MOB3C: variants seen among roughly 807,000 people sequenced by gnomAD.
MOB3C encodes the protein MOB kinase activator 3C.
In MOB3C, 17 loss-of-function variants were observed where a neutral mutation model predicts 19.8. That is an observed-to-expected ratio of 0.86 (90% confidence interval 0.59 to 1.29). The LOEUF (loss-of-function observed/expected upper bound fraction) is 1.29. MOB3C is among the 50% of genes most tolerant of loss of function. The pLI is 0.00. For synonymous variants in MOB3C, 101 were observed against 119.2 expected (o/e 0.85, Z 0.99); for missense variants, 291 against 301.9 (o/e 0.96, Z 0.27).
At position 46,608,703 on chromosome 1, in the gene MOB3C, G is replaced by C. The variant is rs1008486630; in HGVS notation, c.*952C>G. 1.3e-5 allele frequency: 2 copies of C among 152,658 alleles called. No homozygotes were observed. The highest frequency in any genetic ancestry group is 2.9e-5 in the Non-Finnish European group (2 of 68,048). 9.5% of individuals were successfully genotyped at this position (152,658 alleles called of 1,614,324 possible). On this transcript the variant is annotated 3_prime_UTR_variant, in exon 4 of 4. Coordinates refer to ENST00000319928, the MANE Select transcript of MOB3C (RefSeq NM_201403.3). The surrounding 1 kb of genome is among the most constrained non-coding windows in gnomAD (Gnocchi z 4.5). ...TTATTTTGTGCTGGGCTTCAGATCC[G>C]AGGAGCCAGGTCTGTAGATTCTGGG...
intron 1 of MOB3C, chr1:46,614,983 T>A (rs1675536054): frequency 1.2e-6 from 2 of 1,607,502 alleles, no homozygotes; most frequent in Non-Finnish European, 1.7e-6. Context: ...ATGTGAAAGG[T>A]CATCTCATCC....
At chr1:46,612,570 A>G (rs759381117) in intron 2 of MOB3C, among the ~76,000 whole-genome samples, 4 of 151,068 alleles carry the variant, frequency 2.6e-5, no homozygotes, top group Non-Finnish European at 5.9e-5. Context: ...AGGCTGAGGC[A>G]GGAGAATCGC....
chr1:46,608,545 C>T lies in MOB3C; in HGVS notation c.*1110G>A, dbSNP rs1675406648. 6.5e-6 allele frequency: 1 copy of T among 152,692 alleles called. No individual in the cohort carries two copies. Among genetic ancestry groups the T allele is most frequent in the African/African-American group, 2.4e-5 (1 of 41,432 alleles). The allele number at this position is 152,692 out of a possible 1,614,324, so 9.5% of individuals were successfully genotyped here. A position where few individuals can be genotyped will look rare whatever the true frequency, so the allele number is the denominator to read the frequency against. On this transcript the variant is annotated 3_prime_UTR_variant, in exon 4 of 4. Coordinates refer to ENST00000319928, the MANE Select transcript of MOB3C (RefSeq NM_201403.3). The surrounding 1 kb of genome is among the most constrained non-coding windows in gnomAD (Gnocchi z 4.5). ...GTGTCAGGGATGGCTGGGAAGGAGG[C>T]AGGTACTTTTAGGATGGAGGATCTC...
At chr1:46,615,222 T>C in intron 1 of MOB3C, 1 of 627,780 alleles carries the variant, frequency 1.6e-6, no homozygotes, top group Non-Finnish European at 2.8e-6. Context: ...ATTCAGCACC[T>C]TGTCCTACCT....
Position 46,609,695 on chromosome 1 carries a change from A to C in MOB3C, c.622-11T>G, listed in dbSNP as rs748979378. 6.2e-7 allele frequency: 1 copy of C among 1,614,144 alleles called. No homozygotes were observed. Among genetic ancestry groups the C allele is most frequent in the Admixed American group, 1.7e-5 (1 of 60,022 alleles). ...CTCTGTCATCTCCCTCTGTAGAGAC[A>C]CAAGGTAGGGAGGGGTCAATTAGAG... On this transcript the variant is annotated splice_polypyrimidine_tract_variant and intron_variant, in intron 3 of 3. Coordinates refer to ENST00000319928, the MANE Select transcript of MOB3C (RefSeq NM_201403.3).
At position 46,609,417 on chromosome 1, in the gene MOB3C, G is replaced by T; in HGVS notation, c.*238C>A. 2 of 601,328 alleles carry T rather than the reference G, an allele frequency of 3.3e-6. No individual in the cohort carries two copies. The highest frequency in any genetic ancestry group is 3.9e-5 in the South Asian group (2 of 51,610). 37.2% of individuals were successfully genotyped at this position (601,328 alleles called of 1,614,324 possible). On this transcript the variant is annotated 3_prime_UTR_variant, in exon 4 of 4. Transcript: ENST00000319928. ...AGCCTACCCTACTCCCAGACTTCAT[G>T]CCAGAGGTTTAACTCCACTTCCCTT...
At position 46,609,649 on chromosome 1, in the gene MOB3C, C is replaced by G. The variant is rs759806384; in HGVS notation, c.*6G>C. The G allele has an allele frequency of 5.6e-6, 9 of 1,614,020 alleles. No homozygotes were observed. The South Asian group carries it at 9.9e-5, about 18-fold the overall frequency. ...ATCTGATGGCCAAAAAAGTCCAGAC[C>G]TGGGCTCAGTGGCAGATCCGCTCTG... On this transcript the variant is annotated 3_prime_UTR_variant, in exon 4 of 4. Transcript: ENST00000319928.
intron 1 of MOB3C, chr1:46,613,772 C>T (rs1316142957): frequency 5.5e-6 from 1 of 183,182 alleles, no homozygotes; most frequent in Non-Finnish European, 1.1e-5. Flanking sequence ...GGGAGAGCCT[C>T]GCAGCATTGT....
At chr1:46,614,635 C>T (rs1767598) in intron 1 of MOB3C, 13,594 of 270,014 alleles carry the variant, frequency 0.05, 1,563 homozygotes, top group African/African-American at 0.25. Context: ...GCCTTTAGCC[C>T]TACCCTGAGG....
At chr1:46,609,924 A>T in intron 3 of MOB3C, 78 bp downstream of exon 3, 1 of 1,526,476 alleles carries the variant, frequency 6.6e-7, no homozygotes, top group Non-Finnish European at 9.1e-7. Flanking sequence ...CGTTGGAGTT[A>T]CTTAAAGCAG....
At chr1:46,609,949 T>G (rs1217761827) in intron 3 of MOB3C, 53 bp downstream of exon 3, 1 of 1,603,990 alleles carries the variant, frequency 6.2e-7, no homozygotes, top group East Asian at 2.2e-5. Context: ...CTTTTGGACG[T>G]GAAAACTCAG....
At chr1:46,614,725 A>G (rs1675532101) in intron 1 of MOB3C, 1 of 453,472 alleles carries the variant, frequency 2.2e-6, no homozygotes, top group East Asian at 3.7e-5. Context: ...ACCCTGGGAC[A>G]GGATTGGGGA....
chr1:46,615,047 T>G lies in MOB3C; in HGVS notation c.-51+1664A>C, dbSNP rs748100825. 7 of 1,613,080 alleles carry G rather than the reference T, an allele frequency of 4.3e-6. No homozygotes were observed. The Admixed American group carries it at 1.2e-4, about 27-fold the overall frequency. ...GAAGTCCCCAGGGTGGGACCCCAGT[T>G]TCCAGAGCAAAGAGATTTCTGCGCT... On this transcript the variant is annotated intron_variant, in intron 1 of 3. Transcript: ENST00000319928.
Position 46,613,115 on chromosome 1 carries a change from G to C in MOB3C, c.207C>G (p.Asn69Lys), listed in dbSNP as rs763141334. 5 of 1,614,142 alleles carry C rather than the reference G, an allele frequency of 3.1e-6. No individual in the cohort carries two copies. In the African/African-American group the frequency reaches 5.3e-5, roughly 17 times the overall value. ...WIAVHVVDFF[N>K]RINLIYGTMA... ...TAGTGCCGTAGATGAGGTTGATGCG[G>C]TTGAAGAAGTCCACCACGTGCACGG... is the stretch of plus-strand genomic sequence containing the variant. The change falls in exon 2 of 4, where the codon AAC becomes AAG. Residue 69 changes from asparagine (N) to lysine (K), a missense_variant. Asn to Lys is a moderately conservative substitution (Grantham distance 94). Transcript: ENST00000319928.
rs569740077 is a variant in MOB3C at position 46,609,591 on chromosome 1, C to A, written c.*64G>T. ...AGATTCCTTCAGGCTCCTGGGGGTC[C>A]CCTCTGCCAGCCACCCTATGTTCAG... On this transcript the variant is annotated 3_prime_UTR_variant, in exon 4 of 4. Transcript: ENST00000319928. The A allele has an allele frequency of 1.2e-4, 189 of 1,604,144 alleles. No homozygotes were observed. In the African/African-American group the frequency reaches 1.3e-3, roughly 11 times the overall value.
Position 46,609,609 on chromosome 1 carries a change from A to G in MOB3C, c.*46T>C, listed in dbSNP as rs908195548. 1 of 1,613,266 alleles carries G rather than the reference A, an allele frequency of 6.2e-7. No homozygotes were observed. The highest frequency in any genetic ancestry group is 1.3e-5 in the African/African-American group (1 of 74,986). On this transcript the variant is annotated 3_prime_UTR_variant, in exon 4 of 4. Transcript: ENST00000319928. ...GGGGGTCCCCTCTGCCAGCCACCCT[A>G]TGTTCAGATCGTCCATCTGATGGCC...
In MOB3C at chr1:46,613,333, C is replaced by A; in HGVS notation, c.-12G>T. The A allele has an allele frequency of 6.2e-7, 1 of 1,601,826 alleles. No homozygotes were observed. Among genetic ancestry groups the A allele is most frequent in the African/African-American group, 1.3e-5 (1 of 75,050 alleles). On this transcript the variant is annotated 5_prime_UTR_variant, in exon 2 of 4. Coordinates refer to ENST00000319928, the MANE Select transcript of MOB3C (RefSeq NM_201403.3). ...AGGCACAGGGCCATGGCCAGCTGGG[C>A]CTGGGGCTGCTGTCCAGGGGCTCGG...
chr1:46,612,059 A>G (rs1451851665), intron 2 of MOB3C, among the ~76,000 whole-genome samples: 2 of 151,196 alleles, frequency 1.3e-5, no homozygotes, highest in South Asian at 2.1e-4. Flanking sequence ...TGGACCAACA[A>G]CCCCCTCCTG....
chr1:46,614,894 G>T lies in MOB3C; in HGVS notation c.-50-1523C>A. 4 of 1,151,840 alleles carry T rather than the reference G, an allele frequency of 3.5e-6. No homozygotes were observed. In the South Asian group the frequency reaches 5.3e-5, roughly 15 times the overall value. 71.4% of individuals were successfully genotyped at this position (1,151,840 alleles called of 1,614,324 possible). On this transcript the variant is annotated intron_variant, in intron 1 of 3. Transcript: ENST00000319928. ...ACAAAGGCAGGCCAGGATGGGGGCA[G>T]TCTGGTAAAATGAGAGCAGCTTGGA...
Sources: gnomAD v4.1 joint callset for allele counts (sites outside exome capture counted in the v4.1 genomes callset) on GRCh38, gnomAD v4.1.1 for gene constraint, Gnocchi (gnomAD v3.1) non-coding constraint, MANE v1.5 for transcripts, NCBI Gene and HGNC (gene_info 2026-07-23, HGNC 2026-07-21) for gene names.